CAPRIN1: variants seen among roughly 807,000 people sequenced by gnomAD.
CAPRIN1 encodes cell cycle associated protein 1, also known as caprin-1.
In CAPRIN1, 29 loss-of-function variants were observed where a neutral mutation model predicts 100.9. That is an observed-to-expected ratio of 0.29 (90% CI 0.21 to 0.39). The LOEUF is 0.39. Among genes scored for constraint, CAPRIN1 ranks in the 10% least tolerant of loss-of-function variants. The pLI is 1.00. For synonymous variants in CAPRIN1, 338 were observed against 307.5 expected, an observed-to-expected ratio of 1.10 and a Z score of -1.04; for missense variants, 795 against 876.7, an observed-to-expected ratio of 0.91 and a Z score of 1.18.
intron 6 of CAPRIN1, among the ~76,000 whole-genome samples, 186 bp from the exon 7 acceptor site, chr11:34,079,442 C>T (rs1850967245): frequency 6.6e-6 from 1 of 152,112 alleles, no homozygotes; most frequent in Non-Finnish European, 1.5e-5. Flanking sequence ...AATATAACTA[C>T]ATTCTTCTTG....
chr11:34,083,723 G>A lies in CAPRIN1; in HGVS notation c.966+682G>A, dbSNP rs188483238. Reference sequence around the variant, plus strand: ...ACCCCCAAGGTGCAGGAAAATAGCTGTAAGCTGAGGGTAATATGCTTTTCC... The same window carrying A: ...ACCCCCAAGGTGCAGGAAAATAGCTATAAGCTGAGGGTAATATGCTTTTCC... On this transcript the variant is annotated intron_variant, in intron 9 of 18. Transcript: ENST00000341394. Among the ~76,000 whole-genome samples the A allele has an allele frequency of 4.0e-4, 61 of 152,254 alleles. 1 individual carries two copies. The highest frequency in any genetic ancestry group is 1.0e-4 in the Non-Finnish European group (7 of 68,030).
chr11:34,057,019 G>A (rs1289875729), intron 2 of CAPRIN1, among the ~76,000 whole-genome samples: 2 of 152,178 alleles, frequency 1.3e-5, no homozygotes, highest in South Asian at 2.1e-4. Context: ...TTTCTAGAAC[G>A]TTGCAGTGTG....
chr11:34,093,610 A>T (rs1851306500), intron 15 of CAPRIN1, among the ~76,000 whole-genome samples: 1 of 152,150 alleles, frequency 6.6e-6, no homozygotes. Flanking sequence ...ATTCAGTATC[A>T]CTAATATGAA....
At chr11:34,092,134 C>G (rs1851276295) in intron 15 of CAPRIN1, 78 bp downstream of exon 15, 1 of 1,410,698 alleles carries the variant, frequency 7.1e-7, no homozygotes, top group African/African-American at 1.4e-5. Flanking sequence ...GTTTAGACTT[C>G]AGAGTGGTGG....
At chr11:34,095,832 C>A (rs1414936639) in intron 15 of CAPRIN1, 1 of 152,196 alleles carries the variant, frequency 6.6e-6, no homozygotes, top group East Asian at 1.9e-4. Context: ...CTAGAACCTT[C>A]AAGTGGGTTG....
rs772444613 is a variant in CAPRIN1 at position 34,059,267 on chromosome 11, A to ATTG, written c.216+6634_216+6636dup. ...ACCTATTGTCTGTACACTTCTTGAC[A>ATTG]TTGTTTTTTTTTTTTTTTTGAGACG... On this transcript the variant is annotated intron_variant, in intron 2 of 18. Coordinates refer to ENST00000341394, the MANE Select transcript of CAPRIN1 (RefSeq NM_005898.5). Among the ~76,000 whole-genome samples the ATTG allele has an allele frequency of 1.2e-4, 18 of 146,532 alleles. 1 individual carries two copies. The highest frequency in any genetic ancestry group is 2.0e-4 in the Admixed American group (3 of 14,720).
chr11:34,075,882 C>T (rs996077244), intron 4 of CAPRIN1, among the ~76,000 whole-genome samples: 4 of 152,056 alleles, frequency 2.6e-5, no homozygotes, highest in Admixed American at 6.5e-5. Flanking sequence ...GTACCTGTAC[C>T]CAGCTTGTAT....
At chr11:34,052,284 C>T (rs1374792120) in intron 1 of CAPRIN1, 137 bp from the exon 2 acceptor site, 3 of 720,836 alleles carry the variant, frequency 4.2e-6, no homozygotes, top group Non-Finnish European at 6.8e-6. Flanking sequence ...TCGAGGCGCG[C>T]CGCGCCCCCT....
intron 9 of CAPRIN1, among the ~76,000 whole-genome samples, chr11:34,084,891 TTTTA>T (rs1851107865): frequency 1.3e-5 from 2 of 152,034 alleles, no homozygotes; most frequent in Non-Finnish European, 2.9e-5. Flanking sequence ...ATTTTTTGGA[TTTTA>T]TTTGAGAAGA....
chr11:34,093,023 T>C (rs1004651176), intron 15 of CAPRIN1, among the ~76,000 whole-genome samples: 7 of 148,626 alleles, frequency 4.7e-5, no homozygotes, highest in Non-Finnish European at 1.0e-4. Flanking sequence ...CATGGCTGGC[T>C]AATTTTTTTT....
Position 34,076,662 on chromosome 11 carries a change from CTT to C in CAPRIN1, c.688+22_688+23del. 6.6e-7 allele frequency: 1 copy of C among 1,508,218 alleles called. No homozygotes were observed. Among genetic ancestry groups the C allele is most frequent in the Admixed American group, 1.8e-5 (1 of 55,640 alleles). 93.4% of individuals were successfully genotyped at this position (1,508,218 alleles called of 1,614,324 possible). On this transcript the variant is annotated intron_variant, in intron 6 of 18. Coordinates refer to ENST00000341394, the MANE Select transcript of CAPRIN1 (RefSeq NM_005898.5). Reference sequence around the variant, plus strand: ...CCACCTGTGAGTATCACTGTGATAACTTTGATTTTATAACTAGGAATCTTTAA... The same window carrying C: ...CCACCTGTGAGTATCACTGTGATAACTGATTTTATAACTAGGAATCTTTAA...
rs1345174078 is a variant in CAPRIN1, at chr11:34,086,420, AGTG to A, written c.1231+10_1231+12del. On this transcript the variant is annotated splice_region_variant and intron_variant, in intron 11 of 18. Coordinates refer to ENST00000341394, the MANE Select transcript of CAPRIN1 (RefSeq NM_005898.5). ...CAGCTGGTTTGCCCTCCAGGTTAGT[AGTG>A]GTACATTTTTATGTGAGAGAGAAAT... 6.5e-7 allele frequency: 1 copy of A among 1,533,736 alleles called. No homozygotes were observed. The highest frequency in any genetic ancestry group is 2.2e-5 in the East Asian group (1 of 44,506).
chr11:34,058,005 C>A (rs888587580), intron 2 of CAPRIN1, among the ~76,000 whole-genome samples: 1 of 152,082 alleles, frequency 6.6e-6, no homozygotes, highest in Non-Finnish European at 1.5e-5. Flanking sequence ...TAGGCATGAG[C>A]CACCATGTCC....
intron 12 of CAPRIN1, chr11:34,089,886 AGT>A (rs1851229514): frequency 2.5e-5 from 5 of 203,258 alleles, no homozygotes; most frequent in African/African-American, 1.2e-4. Flanking sequence ...CAGAAGACAT[AGT>A]TTAGACATAA....
chr11:34,088,626 T>TG (rs1243218556), intron 11 of CAPRIN1, among the ~76,000 whole-genome samples: 1 of 152,160 alleles, frequency 6.6e-6, no homozygotes, highest in African/African-American at 2.4e-5. Flanking sequence ...TTAGCTATGA[T>TG]GGCGCCACTG....
chr11:34,060,074 T>C (rs1850543097), intron 2 of CAPRIN1, among the ~76,000 whole-genome samples: 1 of 151,182 alleles, frequency 6.6e-6, no homozygotes, highest in South Asian at 2.1e-4. Context: ...CATGCAGCTG[T>C]AGTTCCAGCT....
In CAPRIN1 at chr11:34,090,179, G is replaced by C; in HGVS notation, c.1294G>C (p.Val432Leu). 6.3e-7 allele frequency: 1 copy of C among 1,595,358 alleles called. No homozygotes were observed. The change falls in exon 13 of 19, where the codon GTT becomes CTT. Residue 432 changes from valine (V) to leucine (L), a missense_variant and splice_region_variant. Around this residue, in one of 3 missense-constraint regions of CAPRIN1, gnomAD observed 648 missense variants for 697.9 expected, o/e 0.93. Transcript: ENST00000341394. ...CTTTTATTTCTTTACTTATGTCTAG[G>C]TTCCTTTGGTATCATCCACAAGTGA... is the stretch of plus-strand genomic sequence containing the variant. ...QVPVQPEATQ[V>L]PLVSSTSEGY...
At chr11:34,052,882 A>C in intron 2 of CAPRIN1, 1 of 1,371,030 alleles carries the variant, frequency 7.3e-7, no homozygotes, top group African/African-American at 1.5e-5. Context: ...CCTCTTTATT[A>C]CTCTTCCGCT....
At chr11:34,055,447 C>T (rs572023911) in intron 2 of CAPRIN1, among the ~76,000 whole-genome samples, 9 of 152,308 alleles carry the variant, frequency 5.9e-5, no homozygotes, top group Non-Finnish European at 8.8e-5. Flanking sequence ...CTCGGCCCCC[C>T]GCCCAGAGTA....
Sources: allele counts gnomAD v4.1 joint callset (sites outside exome capture counted in the v4.1 genomes callset), GRCh38; gene constraint gnomAD v4.1.1; regional missense constraint gnomAD v4.1.1; transcripts MANE v1.5; gene names NCBI Gene and HGNC (gene_info 2026-07-23, HGNC 2026-07-21).